TEX29: variants seen among roughly 807,000 people sequenced by gnomAD.
TEX29 encodes testis-expressed protein 29.
Under a neutral mutation model 18.2 loss-of-function variants are expected in TEX29, and 26 were observed. That is an observed-to-expected ratio of 1.43 (90% CI 1.04 to 1.98). The LOEUF (loss-of-function observed/expected upper bound fraction) is 1.98, where lower values mean the gene tolerates loss of function less well. Among genes scored for constraint, TEX29 ranks in the 30% most tolerant of loss-of-function variants. The pLI is 0.00. For synonymous variants in TEX29, 83 were observed against 78.5 expected (o/e 1.06, Z -0.31); for missense variants, 177 against 194.2 (o/e 0.91, Z 0.53).
At chr13:111,324,906 G>A (rs2093670345) in intron 2 of TEX29, among the ~76,000 whole-genome samples, 1 of 152,206 alleles carries the variant, frequency 6.6e-6, no homozygotes, top group Non-Finnish European at 1.5e-5. Context: ...GCTGGCGTGG[G>A]CGTGTTAGAA....
rs115068608 is a variant in TEX29 at position 111,335,271 on chromosome 13, G to C, written c.170-4592G>C. 1.7e-3 allele frequency among the ~76,000 whole-genome samples: 264 copies of C among 152,278 alleles called. 2 individuals carry two copies. Among genetic ancestry groups the C allele is most frequent in the African/African-American group, 6.3e-3 (260 of 41,574 alleles). ...CAAGATGTAGTGCTTTTTCCCGAAG[G>C]AGTCCATTATCCTTCACCTGACTCA... On this transcript the variant is annotated intron_variant, in intron 3 of 5. Transcript: ENST00000283547.
chr13:111,334,795 T>C (rs959474202), intron 3 of TEX29, among the ~76,000 whole-genome samples: 1 of 152,240 alleles, frequency 6.6e-6, no homozygotes, highest in African/African-American at 2.4e-5. Context: ...ATAAAGCTGA[T>C]ATTCCAAGGA....
chr13:111,317,860 C>T (rs762959552), upstream of TEX29, among the ~76,000 whole-genome samples: 2 of 152,156 alleles, frequency 1.3e-5, no homozygotes, highest in African/African-American at 4.8e-5. Flanking sequence ...CACAGCCGTC[C>T]GTCCCCTCCC....
At chr13:111,327,950 T>C (rs2093676747) in intron 2 of TEX29, among the ~76,000 whole-genome samples, 1 of 152,252 alleles carries the variant, frequency 6.6e-6, no homozygotes, top group Non-Finnish European at 1.5e-5. Flanking sequence ...TCCTAATCGT[T>C]AGAGGCCCCT....
At chr13:111,339,359 A>T (rs896328316) in intron 3 of TEX29, 1 of 454,910 alleles carries the variant, frequency 2.2e-6, no homozygotes, top group Non-Finnish European at 4.4e-6. Context: ...CACAGCAGGA[A>T]CAGAGGGGCC....
intron 4 of TEX29, among the ~76,000 whole-genome samples, chr13:111,341,830 T>C (rs2093696931): frequency 6.6e-6 from 1 of 152,252 alleles, no homozygotes; most frequent in Non-Finnish European, 1.5e-5. Flanking sequence ...TTTTCAGCCC[T>C]TGAAGCCACT....
At chr13:111,324,989 G>A (rs542619080) in intron 2 of TEX29, among the ~76,000 whole-genome samples, 32 of 152,242 alleles carry the variant, frequency 2.1e-4, no homozygotes, top group African/African-American at 5.5e-4. Context: ...CCTGGGGAGC[G>A]GTGGCTTCCC....
chr13:111,320,639 T>A (rs1405221775), upstream of TEX29: 5 of 571,304 alleles, frequency 8.8e-6, no homozygotes, highest in Admixed American at 1.2e-4. Flanking sequence ...GGTCCCACAG[T>A]CCATAGTGAG....
intron 3 of TEX29, among the ~76,000 whole-genome samples, chr13:111,332,723 T>C (rs939962917): frequency 6.6e-6 from 1 of 152,186 alleles, no homozygotes. Context: ...AACACACGAG[T>C]TGAGAAAGCT....
chr13:111,320,865 G>A lies in TEX29; in HGVS notation c.-26G>A, dbSNP rs762418312. The A allele has an allele frequency of 1.9e-6, 3 of 1,613,540 alleles. No homozygotes were observed. The highest frequency in any genetic ancestry group is 1.1e-5 in the South Asian group (1 of 91,066). On this transcript the variant is annotated 5_prime_UTR_variant, in exon 2 of 6. Coordinates refer to ENST00000283547, the MANE Select transcript of TEX29 (RefSeq NM_152324.3). ...CCTCTCCTGTTTTCCAGGTGTGCTC[G>A]GCCCCTTCATCTGTCAGCTGCAGCA...
intron 4 of TEX29, 122 bp from the exon 5 acceptor site, chr13:111,342,634 A>C (rs888797626): frequency 7.0e-6 from 6 of 861,426 alleles, no homozygotes; most frequent in Non-Finnish European, 8.7e-6. Flanking sequence ...TACCTTAAAA[A>C]ATAAGTATGC....
At chr13:111,319,335 C>T (rs963579915), upstream of TEX29, among the ~76,000 whole-genome samples, 2 of 152,282 alleles carry the variant, frequency 1.3e-5, no homozygotes, top group East Asian at 1.9e-4. Flanking sequence ...CATCCACAGA[C>T]GAATGACTAA....
intron 3 of TEX29, among the ~76,000 whole-genome samples, chr13:111,330,626 C>T (rs1026923804): frequency 3.3e-5 from 5 of 152,212 alleles, no homozygotes; most frequent in Admixed American, 6.5e-5. Flanking sequence ...GTATACAATT[C>T]AGTGGCTTTT....
At chr13:111,338,316 C>T (rs2093692429) in intron 3 of TEX29, among the ~76,000 whole-genome samples, 1 of 152,138 alleles carries the variant, frequency 6.6e-6, no homozygotes, top group African/African-American at 2.4e-5. Context: ...AGAAGAGACA[C>T]AGAGACAGAG....
Position 111,339,528 on chromosome 13 carries a change from G to A in TEX29, c.170-335G>A, listed in dbSNP as rs114381873. The A allele has an allele frequency of 1.3e-3, 559 of 441,220 alleles. 1 individual carries two copies. The highest frequency in any genetic ancestry group is 0.01 in the African/African-American group (515 of 49,624). The allele number at this position is 441,220 out of a possible 1,614,324, so 27.3% of individuals were successfully genotyped here. ...GCACCCCCGGGGGTCATGAGCCAGC[G>A]CCATCTTTCCATGCACTCCCGGGGG... On this transcript the variant is annotated intron_variant, in intron 3 of 5. Transcript: ENST00000283547.
intron 3 of TEX29, among the ~76,000 whole-genome samples, chr13:111,331,890 C>T (rs182810425): frequency 1.3e-3 from 201 of 152,282 alleles, no homozygotes; most frequent in African/African-American, 4.4e-3. Flanking sequence ...TCTAGATTCT[C>T]AATTCTATTC....
At chr13:111,321,477 G>A (rs1374499624) in intron 2 of TEX29, among the ~76,000 whole-genome samples, 1 of 152,208 alleles carries the variant, frequency 6.6e-6, no homozygotes, top group Non-Finnish European at 1.5e-5. Flanking sequence ...CTTATGGTCA[G>A]GAAAAGGAAG....
At chr13:111,334,959 G>C (rs1378444476) in intron 3 of TEX29, among the ~76,000 whole-genome samples, 1 of 152,190 alleles carries the variant, frequency 6.6e-6, no homozygotes, top group Non-Finnish European at 1.5e-5. Flanking sequence ...TGGAGGGTGG[G>C]CAGGAGAGAT....
intron 3 of TEX29, among the ~76,000 whole-genome samples, chr13:111,336,517 G>A (rs1386199702): frequency 1.3e-5 from 2 of 152,076 alleles, no homozygotes; most frequent in Non-Finnish European, 2.9e-5. Flanking sequence ...ATTAGCATTA[G>A]ATCTTTCAGA....
Sources: allele counts gnomAD v4.1 joint callset (sites outside exome capture counted in the v4.1 genomes callset), GRCh38; gene constraint gnomAD v4.1.1; transcripts MANE v1.5; gene names NCBI Gene and HGNC (gene_info 2026-07-23, HGNC 2026-07-21).